The following FBXW7 variants were observed in gnomAD, a reference collection of about 807,000 sequenced individuals.
FBXW7 encodes F-box/WD repeat-containing protein 7.
FBXW7 carries 11 observed loss-of-function variants against 86.3 expected under a neutral mutation model. That is an observed-to-expected ratio of 0.13 (90% CI 0.08 to 0.21). The LOEUF is 0.21. Among genes scored for constraint, FBXW7 ranks in the 10% least tolerant of loss-of-function variants. FBXW7 has a pLI of 1.00. For missense variants in FBXW7, 488 were observed against 847.4 expected, an observed-to-expected ratio of 0.58 and a Z score of 5.27; for synonymous variants, 313 against 297.9, an observed-to-expected ratio of 1.05 and a Z score of -0.52.
At chr4:152,407,950 C>T (rs1737572225) in intron 4 of FBXW7, among the ~76,000 whole-genome samples, 1 of 152,166 alleles carries the variant, frequency 6.6e-6, no homozygotes, top group Non-Finnish European at 1.5e-5. Flanking sequence ...CTCAGCCTCT[C>T]AAAGTGCTGG....
intron 4 of FBXW7, among the ~76,000 whole-genome samples, chr4:152,410,371 C>G (rs993938070): frequency 6.6e-6 from 1 of 152,184 alleles, no homozygotes; most frequent in Non-Finnish European, 1.5e-5. Context: ...GTAGAGCCAT[C>G]TGGCTGAGAT....
intron 2 of FBXW7, among the ~76,000 whole-genome samples, chr4:152,508,940 T>C (rs1157682974): frequency 6.6e-6 from 1 of 152,062 alleles, no homozygotes; most frequent in Non-Finnish European, 1.5e-5. Context: ...TAAATAAGAT[T>C]CATAAAATCA....
Position 152,535,048 on chromosome 4 carries a change from G to A in FBXW7, c.-212-15C>T, listed in dbSNP as rs1750386833. ...CCGGCGCGGTACTGAGGAAGAAGCG[G>A]TGCTCGTGTCGCTAAACCAGGCGGC... On this transcript the variant is annotated splice_polypyrimidine_tract_variant and intron_variant, in intron 1 of 13. Coordinates refer to ENST00000281708, the MANE Select transcript of FBXW7 (RefSeq NM_001349798.2). 6.6e-6 allele frequency: 1 copy of A among 152,420 alleles called. No individual in the cohort carries two copies. Among genetic ancestry groups the A allele is most frequent in the Non-Finnish European group, 1.5e-5 (1 of 68,206 alleles). The allele number at this position is 152,420 out of a possible 1,614,324, so 9.4% of individuals were successfully genotyped here. A position where few individuals can be genotyped will look rare whatever the true frequency, so the allele number is the denominator to read the frequency against.
chr4:152,445,528 T>C (rs771492483), intron 2 of FBXW7, among the ~76,000 whole-genome samples: 3 of 152,170 alleles, frequency 2.0e-5, no homozygotes, highest in Non-Finnish European at 2.9e-5. Flanking sequence ...TTTTTAGGAG[T>C]TGTAGAACCT....
chr4:152,525,649 T>C (rs2149738472), intron 2 of FBXW7, among the ~76,000 whole-genome samples: 1 of 152,368 alleles, frequency 6.6e-6, no homozygotes, highest in South Asian at 2.1e-4. Context: ...TTTTTATGGC[T>C]GCACAGTATC....
chr4:152,452,090 C>T (rs1741959316), intron 2 of FBXW7, among the ~76,000 whole-genome samples: 1 of 152,108 alleles, frequency 6.6e-6, no homozygotes, highest in Non-Finnish European at 1.5e-5. Context: ...AATGCAAAAG[C>T]AGATATGAGC....
chr4:152,521,533 T>C (rs1749010581), intron 2 of FBXW7, among the ~76,000 whole-genome samples: 1 of 152,174 alleles, frequency 6.6e-6, no homozygotes, highest in Admixed American at 6.5e-5. Flanking sequence ...CAGAAAATGA[T>C]ATGACTTCCC....
chr4:152,408,056 G>T (rs961559656), intron 4 of FBXW7, among the ~76,000 whole-genome samples: 1 of 151,938 alleles, frequency 6.6e-6, no homozygotes, highest in Non-Finnish European at 1.5e-5. Context: ...GGATAAAAAC[G>T]ATTTAATTAC....
At chr4:152,481,149 A>G (rs183542021) in intron 2 of FBXW7, among the ~76,000 whole-genome samples, 93 of 152,344 alleles carry the variant, frequency 6.1e-4, no homozygotes, top group Admixed American at 1.1e-3. Context: ...GTGACTTCCA[A>G]GTGGAACAAT....
intron 7 of FBXW7, among the ~76,000 whole-genome samples, chr4:152,335,299 A>C (rs2126566271): frequency 2.1e-5 from 3 of 143,038 alleles, no homozygotes; most frequent in East Asian, 2.2e-4. Flanking sequence ...CCCTACCACC[A>C]CCCCCACCCC....
At chr4:152,478,608 T>C (rs1445466207) in intron 2 of FBXW7, among the ~76,000 whole-genome samples, 1 of 152,092 alleles carries the variant, frequency 6.6e-6, no homozygotes, top group Non-Finnish European at 1.5e-5. Flanking sequence ...GATGATACAA[T>C]CATTCTACAT....
At chr4:152,482,535 G>T (rs1302879672) in intron 2 of FBXW7, among the ~76,000 whole-genome samples, 2 of 151,890 alleles carry the variant, frequency 1.3e-5, no homozygotes, top group Non-Finnish European at 2.9e-5. Flanking sequence ...CTTGTTTTCT[G>T]GCTTGCTGTG....
In FBXW7 at chr4:152,435,114, T is replaced by A. The variant is rs890859081; in HGVS notation, c.-119-22585A>T. Among the ~76,000 whole-genome samples, 7 of 149,160 alleles carry A rather than the reference T, an allele frequency of 4.7e-5. No homozygotes were observed. The East Asian group carries it at 1.4e-3, about 29-fold the overall frequency. ...GAGGGGAGGGGAGGGGTTTCCAACA[T>A]GATGCACCATCCCCTACCAAACACG... On this transcript the variant is annotated intron_variant, in intron 2 of 13. Coordinates refer to ENST00000281708, the MANE Select transcript of FBXW7 (RefSeq NM_001349798.2).
intron 4 of FBXW7, among the ~76,000 whole-genome samples, chr4:152,382,897 CACAT>C (rs1735215777): frequency 6.6e-6 from 1 of 152,056 alleles, no homozygotes; most frequent in Admixed American, 6.6e-5. Flanking sequence ...AAAACACACA[CACAT>C]ATGTATGTTT....
intron 2 of FBXW7, among the ~76,000 whole-genome samples, chr4:152,516,535 G>A (rs80232005): frequency 0.017 from 2,584 of 152,300 alleles, 76 homozygotes; most frequent in African/African-American, 0.056. Context: ...TCTGTAGAGC[G>A]ATGGAAAACT....
At chr4:152,522,911 G>A (rs1749155132) in intron 2 of FBXW7, among the ~76,000 whole-genome samples, 1 of 152,206 alleles carries the variant, frequency 6.6e-6, no homozygotes, top group East Asian at 1.9e-4. Flanking sequence ...GATGGCTCAA[G>A]TTCCTGCTCC....
chr4:152,489,922 T>G (rs1163330822), intron 2 of FBXW7, among the ~76,000 whole-genome samples: 1 of 152,118 alleles, frequency 6.6e-6, no homozygotes, highest in Admixed American at 6.6e-5. Flanking sequence ...TTACCTATTA[T>G]GACTAAATCC....
chr4:152,354,148 A>T (rs1289120667), intron 4 of FBXW7, among the ~76,000 whole-genome samples: 3 of 152,148 alleles, frequency 2.0e-5, no homozygotes, highest in Admixed American at 6.5e-5. Context: ...AACATAAATG[A>T]AATTAAGATA....
intron 2 of FBXW7, chr4:152,530,729 C>T (rs896023716): frequency 2.0e-5 from 3 of 152,226 alleles, no homozygotes; most frequent in Non-Finnish European, 4.4e-5. Flanking sequence ...TAATAAAGCT[C>T]ATACTGTTTG....
Sources: gnomAD v4.1 joint callset for allele counts (sites outside exome capture counted in the v4.1 genomes callset) on GRCh38, gnomAD v4.1.1 for gene constraint, MANE v1.5 for transcripts, NCBI Gene and HGNC (gene_info 2026-07-23, HGNC 2026-07-21) for gene names.